The following NDUFA13 variants were observed in gnomAD, a reference collection of about 807,000 sequenced individuals.
NDUFA13 encodes NADH:ubiquinone oxidoreductase subunit A13, also known as NADH dehydrogenase [ubiquinone] 1 alpha subcomplex subunit 13.
Under a neutral mutation model 17.0 loss-of-function variants are expected in NDUFA13, and 16 were observed. That is an observed-to-expected ratio of 0.94 (90% CI 0.64 to 1.43). The LOEUF is 1.43. Ranked by LOEUF, NDUFA13 falls within the 40% of genes most tolerant of loss-of-function variation. The pLI, the probability that NDUFA13 is intolerant of heterozygous loss-of-function variation, is 0.00. For missense variants in NDUFA13, 228 were observed against 206.7 expected (o/e 1.10, Z -0.63); for synonymous variants, 87 against 78.4 (o/e 1.11, Z -0.58).
In NDUFA13 at chr19:19,519,045, A is replaced by ATTTTTTTTTT. The variant is rs71170693; in HGVS notation, c.94+2721_94+2730dup. Among the ~76,000 whole-genome samples the ATTTTTTTTTT allele has an allele frequency of 8.0e-4, 92 of 114,864 alleles. 6 individuals are homozygous for ATTTTTTTTTT. The highest frequency in any genetic ancestry group is 2.4e-3 in the African/African-American group (64 of 26,294). The allele number at this position is 114,864 out of a possible 152,430, so 75.4% of individuals were successfully genotyped here. A position where few individuals can be genotyped will look rare whatever the true frequency, so the allele number is the denominator to read the frequency against. On this transcript the variant is annotated intron_variant, in intron 1 of 4. Coordinates refer to ENST00000507754, the MANE Select transcript of NDUFA13 (RefSeq NM_015965.7). ...AGGTGTGAGCCACTGGGCCCGGCCT[A>ATTTTTTTTTT]TTTTTTTTTTTTTTTTTGTATTTTT...
intron 1 of NDUFA13, 129 bp downstream of exon 1, chr19:19,516,461 T>C: frequency 1.0e-6 from 1 of 957,290 alleles, no homozygotes; most frequent in East Asian, 2.6e-5. Context: ...GGATCCATCA[T>C]AGCTTCTGTA....
intron 2 of NDUFA13, chr19:19,526,566 A>G (rs1273839107): frequency 7.0e-6 from 3 of 428,756 alleles, no homozygotes; most frequent in Admixed American, 3.4e-5. Context: ...ACCCCAAAAA[A>G]TGTGTCTAGT....
intron 1 of NDUFA13, among the ~76,000 whole-genome samples, chr19:19,524,384 T>G (rs753395293): frequency 1.4e-4 from 21 of 152,244 alleles, no homozygotes; most frequent in Non-Finnish European, 2.6e-4. Flanking sequence ...ATTTATTTCT[T>G]CTTTGGAATT....
chr19:19,521,848 C>T (rs534197841), intron 1 of NDUFA13, among the ~76,000 whole-genome samples: 27 of 150,312 alleles, frequency 1.8e-4, no homozygotes, highest in East Asian at 1.6e-3. Flanking sequence ...GTGATCCGCC[C>T]GCCTCGGCCT....
Position 19,527,774 on chromosome 19 carries a change from G to A in NDUFA13, c.315+4G>A. On this transcript the variant is annotated splice_donor_region_variant and intron_variant, in intron 4 of 4. Transcript: ENST00000507754. ...GAAGGACGTGCCCGACTGGAAGGTG[G>A]GTCCCGGCTGGGAGGGCAGAGGTGC... The A allele has an allele frequency of 6.4e-7, 1 of 1,552,274 alleles. No individual in the cohort carries two copies. The highest frequency in any genetic ancestry group is 8.7e-7 in the Non-Finnish European group (1 of 1,147,296).
rs569723556 is a variant in NDUFA13 at position 19,516,226 on chromosome 19, G to T, written c.-13G>T. 1 of 1,614,122 alleles carries T rather than the reference G, an allele frequency of 6.2e-7. No individual in the cohort carries two copies. Among genetic ancestry groups the T allele is most frequent in the South Asian group, 1.1e-5 (1 of 91,084 alleles). On this transcript the variant is annotated 5_prime_UTR_variant, in exon 1 of 5. Coordinates refer to ENST00000507754, the MANE Select transcript of NDUFA13 (RefSeq NM_015965.7). ...ACTTCCGCCCGGGACCGGAAGTGTGGGATACTGCGAGTATGGCGGCGTCAA... is the reference window on the plus strand; with the variant it reads ...ACTTCCGCCCGGGACCGGAAGTGTGTGATACTGCGAGTATGGCGGCGTCAA...
chr19:19,520,806 T>C (rs2061073565), intron 1 of NDUFA13, among the ~76,000 whole-genome samples: 1 of 152,194 alleles, frequency 6.6e-6, no homozygotes, highest in African/African-American at 2.4e-5. Context: ...TCTGCTTCCT[T>C]CTCTGTGGAT....
intron 1 of NDUFA13, among the ~76,000 whole-genome samples, chr19:19,518,728 G>GTT (rs2061062059): frequency 1.2e-5 from 1 of 83,378 alleles, no homozygotes; most frequent in African/African-American, 5.2e-5. Context: ...CATGCCCTGC[G>GTT]ATTTTTTTTT....
intron 1 of NDUFA13, among the ~76,000 whole-genome samples, chr19:19,517,409 G>A (rs1568357059): frequency 6.6e-6 from 1 of 150,620 alleles, no homozygotes; most frequent in Non-Finnish European, 1.5e-5. Flanking sequence ...ATGGGATCTC[G>A]CCATCTTGCC....
chr19:19,522,240 G>C (rs915220397), intron 1 of NDUFA13, among the ~76,000 whole-genome samples: 2 of 151,868 alleles, frequency 1.3e-5, no homozygotes, highest in African/African-American at 4.8e-5. Flanking sequence ...GGGAGGCGGA[G>C]CTTGCAGTGA....
Position 19,527,351 on chromosome 19 carries a change from A to G in NDUFA13, c.244A>G (p.Arg82Gly), listed in dbSNP as rs376768828. 7 of 1,613,830 alleles carry G rather than the reference A, an allele frequency of 4.3e-6. No homozygotes were observed. The highest frequency in any genetic ancestry group is 8.5e-7 in the Non-Finnish European group (1 of 1,180,006). Reference sequence around the variant, plus strand: ...ACTGTTACAGGCAGAAACCGACCGGAGGTAGCACCGCAGGGGCCAAGGTTG... The same window carrying G: ...ACTGTTACAGGCAGAAACCGACCGGGGGTAGCACCGCAGGGGCCAAGGTTG... ...LPLLQAETDRRTLQMLRENLE... is the reference protein window; with the variant it reads ...LPLLQAETDRGTLQMLRENLE... The change falls in exon 3 of 5, where the codon AGG becomes GGG. Residue 82 changes from arginine to glycine, a missense_variant and splice_region_variant. Physicochemically the swap from Arg to Gly is moderately radical, Grantham distance 125 (BLOSUM62 -2). Coordinates refer to ENST00000507754, the MANE Select transcript of NDUFA13 (RefSeq NM_015965.7).
intron 1 of NDUFA13, among the ~76,000 whole-genome samples, chr19:19,517,807 A>G (rs2061057029): frequency 6.6e-6 from 1 of 152,094 alleles, no homozygotes; most frequent in Non-Finnish European, 1.5e-5. Context: ...AATTACAGGC[A>G]TGAGCCACCG....
At chr19:19,518,978 A>G (rs2061063725) in intron 1 of NDUFA13, among the ~76,000 whole-genome samples, 1 of 151,216 alleles carries the variant, frequency 6.6e-6, no homozygotes, top group Non-Finnish European at 1.5e-5. Flanking sequence ...TCCTGACCTC[A>G]GATGATCTGC....
intron 1 of NDUFA13, among the ~76,000 whole-genome samples, chr19:19,517,417 G>A (rs1318552043): frequency 6.6e-6 from 1 of 151,866 alleles, no homozygotes; most frequent in Non-Finnish European, 1.5e-5. Flanking sequence ...TCGCCATCTT[G>A]CCCAGGCTGG....
Position 19,528,009 on chromosome 19 carries a change from G to C in NDUFA13, c.318G>C (p.Val106=), listed in dbSNP as rs1267021662. Residue 106 remains valine (V), a splice_region_variant and synonymous_variant, in exon 5 of 5, where the codon GTG becomes GTC. Transcript: ENST00000507754. ...IIMKDVPDWK[V]GESVFHTTRW... is the part of the protein sequence containing the mutation. ...CCCATACCCCACTGTCCCCACAGGT[G>C]GGGGAGTCTGTGTTCCACACAACCC... 1.9e-5 allele frequency: 31 copies of C among 1,612,702 alleles called. No individual in the cohort carries two copies. Among genetic ancestry groups the C allele is most frequent in the Non-Finnish European group, 2.6e-5 (31 of 1,179,940 alleles).
chr19:19,518,210 C>T (rs989029783), intron 1 of NDUFA13, among the ~76,000 whole-genome samples: 3 of 151,458 alleles, frequency 2.0e-5, no homozygotes, highest in Non-Finnish European at 4.4e-5. Context: ...ATTCTATTTC[C>T]TCATTTTTCT....
At chr19:19,522,474 A>T (rs565427557) in intron 1 of NDUFA13, among the ~76,000 whole-genome samples, 64 of 84,630 alleles carry the variant, frequency 7.6e-4, no homozygotes, top group Admixed American at 2.7e-3. Flanking sequence ...TAGGTCTTTG[A>T]TCCTTTTTTT....
At chr19:19,521,171 A>G (rs1335179808) in intron 1 of NDUFA13, among the ~76,000 whole-genome samples, 2 of 152,124 alleles carry the variant, frequency 1.3e-5, no homozygotes, top group Admixed American at 1.3e-4. Context: ...GAGAGTCCCA[A>G]TTTCTCCACG....
intron 1 of NDUFA13, among the ~76,000 whole-genome samples, chr19:19,523,861 C>T (rs530345233): frequency 1.9e-4 from 29 of 152,292 alleles, no homozygotes; most frequent in African/African-American, 6.7e-4. Flanking sequence ...ACCTGGGAGG[C>T]GGAGGTTGCA....
Sources: gnomAD v4.1 joint callset for allele counts (sites outside exome capture counted in the v4.1 genomes callset) on GRCh38, gnomAD v4.1.1 for gene constraint, MANE v1.5 for transcripts, NCBI Gene and HGNC (gene_info 2026-07-23, HGNC 2026-07-21) for gene names.